Variants in CLSTN3 observed in about 807,000 individuals in gnomAD.
The protein encoded by CLSTN3 is calsyntenin 3, also known as calsyntenin-3.
A neutral mutation model predicts 95.9 loss-of-function variants in CLSTN3; 36 were observed. That is an observed-to-expected ratio of 0.38 (90% confidence interval 0.29 to 0.50). The LOEUF is 0.50. Among genes scored for constraint, CLSTN3 ranks in the 20% least tolerant of loss-of-function variants. The probability of loss-of-function intolerance (pLI) is 0.95; values close to 1 mark genes in which losing one functional copy is unlikely to be tolerated. For synonymous variants in CLSTN3, 481 were observed against 504.0 expected (o/e 0.95, Z 0.61); for missense variants, 1,084 against 1,268.8 (o/e 0.85, Z 2.21).
At chr12:7,148,165 AAAGAAAGAAAGAAAGAAAGAAAGAAAG>A (rs1939656269) in intron 12 of CLSTN3, among the ~76,000 whole-genome samples, 1 of 60,652 alleles carries the variant, frequency 1.6e-5, no homozygotes, top group South Asian at 5.6e-4. Context: ...AAAAAGAAAG[AAAGAAAGAAAGAAAGAAAGAAAGAAAG>A]AAAGAAAGAA....
At position 7,132,970 on chromosome 12, in the gene CLSTN3, G is replaced by A. The variant is rs61741610; in HGVS notation, c.65-54G>A. ...TCTGGGTCAACAAGGGTTGTTGTGG[G>A]AGTAGAGGCCCTGCTCACAGGTGCT... is the stretch of plus-strand genomic sequence containing the variant. On this transcript the variant is annotated intron_variant, in intron 1 of 17. Transcript: ENST00000266546. 1.0e-3 allele frequency: 1,644 copies of A among 1,610,572 alleles called. 3 individuals are homozygous for A. In the African/African-American group the frequency reaches 0.013, roughly 13 times the overall value.
At chr12:7,146,316 C>T (rs1431504788) in intron 12 of CLSTN3, among the ~76,000 whole-genome samples, 2 of 152,164 alleles carry the variant, frequency 1.3e-5, no homozygotes, top group Non-Finnish European at 2.9e-5. Context: ...GGGAGAATCA[C>T]TTGAGCCCAG....
chr12:7,130,798 C>G, intron 1 of CLSTN3, 86 bp downstream of exon 1: 1 of 1,229,050 alleles, frequency 8.1e-7, no homozygotes, highest in Non-Finnish European at 1.2e-6. Context: ...TGTCGAGGCT[C>G]CCTGGCACCT....
At chr12:7,132,849 C>T (rs777501397) in intron 1 of CLSTN3, 175 bp from the exon 2 acceptor site, 3 of 770,126 alleles carry the variant, frequency 3.9e-6, no homozygotes, top group Non-Finnish European at 6.6e-6. Context: ...GACCCTCTGA[C>T]TCCTTTAGTA....
At chr12:7,130,350 T>G, upstream of CLSTN3, 1 of 1,275,784 alleles carries the variant, frequency 7.8e-7, no homozygotes. Flanking sequence ...CCATCAATCG[T>G]TGCCCGGCTG....
chr12:7,130,272 C>T (rs1315885552), upstream of CLSTN3: 1 of 673,544 alleles, frequency 1.5e-6, no homozygotes, highest in Non-Finnish European at 2.1e-6. Context: ...GCCCCAGTCT[C>T]ATTGGCTCCC....
At chr12:7,142,433 G>A (rs892605543) in intron 10 of CLSTN3, among the ~76,000 whole-genome samples, 14 of 152,106 alleles carry the variant, frequency 9.2e-5, no homozygotes, top group Non-Finnish European at 2.1e-4. Context: ...CACGCAGAAG[G>A]GGAAGGTCTG....
rs754099822 is a variant in CLSTN3 at position 7,157,791 on chromosome 12, C to T, written c.2730+100C>T. On this transcript the variant is annotated intron_variant, in intron 17 of 17. Coordinates refer to ENST00000266546, the MANE Select transcript of CLSTN3 (RefSeq NM_014718.4). This position sits in a 1 kb window ranked among gnomAD's most constrained non-coding sequence, Gnocchi z 5.9. ...GGCAGGCCTGGGTGGAGGCTGTTCG[C>T]AGAGCTGCAGTGAGCCGGAGGGAGA... The T allele has an allele frequency of 7.4e-5, 111 of 1,492,078 alleles. No homozygotes were observed. The highest frequency in any genetic ancestry group is 9.8e-5 in the Non-Finnish European group (108 of 1,106,966). 92.4% of individuals were successfully genotyped at this position (1,492,078 alleles called of 1,614,324 possible). A position where few individuals can be genotyped will look rare whatever the true frequency, so the allele number is the denominator to read the frequency against.
At chr12:7,154,312 C>T (rs1320331988) in intron 16 of CLSTN3, among the ~76,000 whole-genome samples, 1 of 152,158 alleles carries the variant, frequency 6.6e-6, no homozygotes, top group Admixed American at 6.5e-5. Context: ...GCACGGAGGC[C>T]CATTGCTCTA....
At chr12:7,142,170 G>C in intron 10 of CLSTN3, 31 bp downstream of exon 10, 1 of 1,558,994 alleles carries the variant, frequency 6.4e-7, no homozygotes, top group Middle Eastern at 1.7e-4. Flanking sequence ...GGAGACCAGA[G>C]AGTTCTCATC....
chr12:7,132,583 AC>A, intron 1 of CLSTN3: 1 of 332,586 alleles, frequency 3.0e-6, no homozygotes, highest in Non-Finnish European at 5.6e-6. Flanking sequence ...ATCTCAGGAA[AC>A]TTCTAGATCT....
At position 7,141,150 on chromosome 12, in the gene CLSTN3, C is replaced by T. The variant is rs570506390; in HGVS notation, c.1324-92C>T. On this transcript the variant is annotated intron_variant, in intron 8 of 17. Transcript: ENST00000266546. The surrounding 1 kb of genome is among the most constrained non-coding windows in gnomAD (Gnocchi z 4.1). ...GTAGAACTGGGAATAAAGGGACTGT[C>T]CCCTGTCTCCCAGGAGATGGGGCAG... 4.5e-6 allele frequency: 6 copies of T among 1,340,004 alleles called. No homozygotes were observed. Among genetic ancestry groups the T allele is most frequent in the East Asian group, 4.7e-5 (2 of 42,692 alleles). 83.0% of individuals were successfully genotyped at this position (1,340,004 alleles called of 1,614,324 possible).
intron 12 of CLSTN3, among the ~76,000 whole-genome samples, chr12:7,144,988 AT>A (rs1420700691): frequency 2.3e-3 from 355 of 152,302 alleles, no homozygotes; most frequent in African/African-American, 7.4e-3. Flanking sequence ...TCATCCAGTT[AT>A]GAAAGGCTTG....
intron 12 of CLSTN3, among the ~76,000 whole-genome samples, chr12:7,144,676 T>A (rs1939591373): frequency 6.6e-6 from 1 of 152,120 alleles, no homozygotes; most frequent in South Asian, 2.1e-4. Flanking sequence ...TTGTTACCCC[T>A]CTCCCCGATT....
chr12:7,135,908 G>C lies in CLSTN3; in HGVS notation c.697G>C (p.Glu233Gln). Residue 233 changes from glutamate to glutamine, a missense_variant, in exon 5 of 18, where the codon GAG becomes CAG. Transcript: ENST00000266546. Reference sequence around the variant, plus strand: ...GAAGAAGCGGGCAGCAGATGATGCTGAGGTGGAGATTCAGGTGAAGCCCAC... The same window carrying C: ...GAAGAAGCGGGCAGCAGATGATGCTCAGGTGGAGATTCAGGTGAAGCCCAC... ...CGKKRAADDA[E>Q]VEIQVKPTCK... The C allele has an allele frequency of 6.2e-7, 1 of 1,613,980 alleles. No homozygotes were observed. Among genetic ancestry groups the C allele is most frequent in the Non-Finnish European group, 8.5e-7 (1 of 1,179,900 alleles).
chr12:7,155,263 C>A (rs150847024), intron 16 of CLSTN3, among the ~76,000 whole-genome samples: 46 of 152,322 alleles, frequency 3.0e-4, no homozygotes, highest in Middle Eastern at 3.4e-3. Flanking sequence ...TTTAAAAATC[C>A]TCCCATCTCC....
intron 12 of CLSTN3, among the ~76,000 whole-genome samples, chr12:7,145,127 C>T (rs1939602496): frequency 6.6e-6 from 1 of 152,176 alleles, no homozygotes; most frequent in Non-Finnish European, 1.5e-5. Flanking sequence ...GAGGAGTTGA[C>T]ATTCTCTTTG....
rs79071463 is a variant in CLSTN3, at chr12:7,134,587, G to T, written c.384-740G>T. 6.0e-3 allele frequency among the ~76,000 whole-genome samples: 921 copies of T among 152,332 alleles called. 14 individuals carry two copies. The highest frequency in any genetic ancestry group is 0.021 in the African/African-American group (883 of 41,568). On this transcript the variant is annotated intron_variant, in intron 3 of 17. Transcript: ENST00000266546. ...TTGCCCCGGTGCATGACTAGGGAGGGGCCGCATGTGCGGGAGGCAGCACTG... is the reference window on the plus strand; with the variant it reads ...TTGCCCCGGTGCATGACTAGGGAGGTGCCGCATGTGCGGGAGGCAGCACTG...
At chr12:7,134,357 A>G (rs1167013823) in intron 3 of CLSTN3, among the ~76,000 whole-genome samples, 1 of 152,238 alleles carries the variant, frequency 6.6e-6, no homozygotes. Context: ...TGGGACACCT[A>G]CGCTTGTTGC....
Sources: gnomAD v4.1 joint callset for allele counts (sites outside exome capture counted in the v4.1 genomes callset) on GRCh38, gnomAD v4.1.1 for gene constraint, Gnocchi (gnomAD v3.1) non-coding constraint, MANE v1.5 for transcripts, NCBI Gene and HGNC (gene_info 2026-07-23, HGNC 2026-07-21) for gene names.